The following ARHGEF11 variants were observed in gnomAD, a reference collection of about 807,000 sequenced individuals.
ARHGEF11 encodes the protein Rho guanine nucleotide exchange factor 11.
A neutral mutation model predicts 193.7 loss-of-function variants in ARHGEF11; 55 were observed. The observed-to-expected ratio is 0.28, with a 90% confidence interval of 0.23 to 0.36. ARHGEF11 has a LOEUF of 0.36. Ranked by LOEUF, ARHGEF11 falls within the 10% of genes least tolerant of loss-of-function variation. ARHGEF11 has a pLI of 1.00. For missense variants in ARHGEF11, 1,723 were observed against 2,005.6 expected, an observed-to-expected ratio of 0.86 and a Z score of 2.69; for synonymous variants, 693 against 768.0, an observed-to-expected ratio of 0.90 and a Z score of 1.62.
At chr1:156,978,464 C>G in intron 5 of ARHGEF11, 82 bp from the exon 6 acceptor site, 1 of 1,481,104 alleles carries the variant, frequency 6.8e-7, no homozygotes, top group South Asian at 1.4e-5. Flanking sequence ...GGCTGTTCTC[C>G]CTTGTCCTGT....
intron 26 of ARHGEF11, 70 bp from the exon 27 acceptor site, chr1:156,947,085 A>C (rs1658278570): frequency 1.3e-6 from 2 of 1,583,858 alleles, no homozygotes; most frequent in Admixed American, 3.3e-5. Flanking sequence ...TCTGACAGAG[A>C]GAAGTGAATC....
chr1:156,965,652 C>G (rs545088732), intron 11 of ARHGEF11, among the ~76,000 whole-genome samples: 67 of 152,278 alleles, frequency 4.4e-4, no homozygotes, highest in African/African-American at 1.6e-3. Context: ...CATATGTTGT[C>G]ATCTTTTTTA....
At chr1:157,001,205 C>T (rs1368116499) in intron 1 of ARHGEF11, among the ~76,000 whole-genome samples, 1 of 152,158 alleles carries the variant, frequency 6.6e-6, no homozygotes, top group African/African-American at 2.4e-5. Flanking sequence ...TAATAAAATA[C>T]CTGTTCTGAA....
intron 1 of ARHGEF11, among the ~76,000 whole-genome samples, chr1:156,999,460 C>G (rs929465211): frequency 3.3e-5 from 5 of 151,958 alleles, no homozygotes; most frequent in Non-Finnish European, 5.9e-5. Context: ...CCTTATAATT[C>G]TTCTTCAGCG....
chr1:157,017,706 C>CAAAAA (rs1047573559), intron 1 of ARHGEF11, among the ~76,000 whole-genome samples: 369 of 39,662 alleles, frequency 9.3e-3, no homozygotes, highest in Non-Finnish European at 0.012. Flanking sequence ...GACTCCGTCT[C>CAAAAA]AAAAAAAAAA....
At chr1:157,019,667 T>C (rs1243407912) in intron 1 of ARHGEF11, among the ~76,000 whole-genome samples, 1 of 152,198 alleles carries the variant, frequency 6.6e-6, no homozygotes, top group African/African-American at 2.4e-5. Flanking sequence ...AATGGAATAC[T>C]ACTCAGCAAT....
At chr1:157,029,219 T>C (rs1671007919) in intron 1 of ARHGEF11, among the ~76,000 whole-genome samples, 1 of 150,270 alleles carries the variant, frequency 6.7e-6, no homozygotes, top group African/African-American at 2.4e-5. Flanking sequence ...CCCTCACAGA[T>C]TGCTGGTGGA....
At chr1:156,955,845 C>A in intron 19 of ARHGEF11, 46 bp from the exon 20 acceptor site, 1 of 1,456,440 alleles carries the variant, frequency 6.9e-7, no homozygotes, top group South Asian at 1.1e-5. Context: ...TCCTGATACC[C>A]AGGCGTGGCT....
chr1:156,997,931 C>G (rs1241746356), intron 1 of ARHGEF11, among the ~76,000 whole-genome samples: 1 of 151,988 alleles, frequency 6.6e-6, no homozygotes, highest in Non-Finnish European at 1.5e-5. Flanking sequence ...CAGCACTGGT[C>G]TGGCCTCCTT....
At chr1:157,001,573 C>CA in intron 1 of ARHGEF11, among the ~76,000 whole-genome samples, 1 of 152,304 alleles carries the variant, frequency 6.6e-6, no homozygotes, top group South Asian at 2.1e-4. Context: ...ATAGGAGGTG[C>CA]AATAGGCAGG....
intron 40 of ARHGEF11, 52 bp from the exon 41 acceptor site, chr1:156,936,110 C>A (rs41273229): frequency 6.4e-7 from 1 of 1,567,114 alleles, no homozygotes. Flanking sequence ...GTGACCGCTT[C>A]CACATGTTTT....
At chr1:157,037,890 G>A (rs975027002) in intron 1 of ARHGEF11, among the ~76,000 whole-genome samples, 5 of 151,702 alleles carry the variant, frequency 3.3e-5, no homozygotes, top group African/African-American at 4.8e-5. Flanking sequence ...AAAGTATACC[G>A]GGTGTGGTGG....
At chr1:156,954,281 G>A (rs561191443) in intron 21 of ARHGEF11, among the ~76,000 whole-genome samples, 13 of 150,470 alleles carry the variant, frequency 8.6e-5, no homozygotes, top group African/African-American at 2.9e-4. Context: ...TCGGGAGGCT[G>A]AGGCACGAGA....
chr1:156,998,502 C>A (rs139687681), intron 1 of ARHGEF11, among the ~76,000 whole-genome samples: 1 of 152,302 alleles, frequency 6.6e-6, no homozygotes, highest in African/African-American at 2.4e-5. Flanking sequence ...CCTCAGTTTT[C>A]TCATCTACAA....
Position 156,956,501 on chromosome 1 carries a change from T to C in ARHGEF11, c.1590A>G (p.Ala530=). The change falls in exon 19 of 41, where the codon GCA becomes GCG. Residue 530 remains alanine (A), a synonymous_variant. Coordinates refer to ENST00000368194, the MANE Select transcript of ARHGEF11 (RefSeq NM_198236.3). ...MSHAGIRLRE[A]RPSNTAEKAQ... ...CCTTTTCAGCTGTGTTGGAAGGTCG[T>C]GCCTCTCGAAGACGGATCCCAGCAT... 6.2e-7 allele frequency: 1 copy of C among 1,614,142 alleles called. No individual in the cohort carries two copies. The highest frequency in any genetic ancestry group is 1.3e-5 in the African/African-American group (1 of 75,026).
intron 1 of ARHGEF11, among the ~76,000 whole-genome samples, chr1:156,998,745 A>G (rs1666861442): frequency 6.6e-6 from 1 of 152,210 alleles, no homozygotes; most frequent in Admixed American, 6.5e-5. Flanking sequence ...CATTTTACAG[A>G]TCTCCTAAGA....
chr1:157,017,994 G>C (rs1250101791), intron 1 of ARHGEF11, among the ~76,000 whole-genome samples: 2 of 151,944 alleles, frequency 1.3e-5, no homozygotes, highest in Non-Finnish European at 2.9e-5. Context: ...AATTTAGCAA[G>C]GTTTCAGGAT....
chr1:157,022,362 T>C lies in ARHGEF11; in HGVS notation c.32+21937A>G, dbSNP rs572714836. ...TGCAAGATCAAGATACAGAATTCAA[T>C]TGTATTTCTATACATTAGCAATAAA... On this transcript the variant is annotated intron_variant, in intron 1 of 40. Transcript: ENST00000368194. Among the ~76,000 whole-genome samples, 4 of 152,338 alleles carry C rather than the reference T, an allele frequency of 2.6e-5. No homozygotes were observed. In the East Asian group the frequency reaches 7.7e-4, roughly 29 times the overall value.
At position 156,986,164 on chromosome 1, in the gene ARHGEF11, G is replaced by A. The variant is rs1664891108; in HGVS notation, c.42C>T (p.Ser14=). 3 of 1,613,610 alleles carry A rather than the reference G, an allele frequency of 1.9e-6. No individual in the cohort carries two copies. The African/African-American group carries it at 4.0e-5, about 22-fold the overall frequency. The change falls in exon 2 of 41, where the codon AGC becomes AGT. Residue 14 remains serine (S), a synonymous_variant. Coordinates refer to ENST00000368194, the MANE Select transcript of ARHGEF11 (RefSeq NM_198236.3). ...RLPQSIDRLS[S]LSSLGDSAPE... ...GTGCAGAATCTCCCAGAGAAGACAG[G>A]CTACTTAACCTGGAGAAGGAGTAAG... is the stretch of plus-strand genomic sequence containing the variant.
Sources: gnomAD v4.1 joint callset for allele counts (sites outside exome capture counted in the v4.1 genomes callset) on GRCh38, gnomAD v4.1.1 for gene constraint, MANE v1.5 for transcripts, NCBI Gene and HGNC (gene_info 2026-07-23, HGNC 2026-07-21) for gene names.